TENM3: variants seen among roughly 807,000 people sequenced by gnomAD.
TENM3 encodes the protein teneurin transmembrane protein 3, also known as teneurin-3.
A neutral mutation model predicts 255.1 loss-of-function variants in TENM3; 63 were observed. The ratio of observed to expected loss-of-function variants is 0.25; its 90% CI spans 0.20 to 0.30. The LOEUF (loss-of-function observed/expected upper bound fraction) is 0.30. Ranked by LOEUF, TENM3 falls within the 10% of genes least tolerant of loss-of-function variation. The pLI, the probability that TENM3 is intolerant of heterozygous loss-of-function variation, is 1.00. For synonymous variants in TENM3, 1,306 were observed against 1,322.3 expected (o/e 0.99, Z 0.27); for missense variants, 2,929 against 3,461.1 (o/e 0.85, Z 3.86).
At chr4:181,706,172 C>T in the TENM3 span, among the ~76,000 whole-genome samples, 2 of 152,228 alleles carry the variant, frequency 1.3e-5, no homozygotes, top group African/African-American at 4.8e-5. Flanking sequence ...CCTGTGTCTG[C>T]ACGTTGTCTT....
chr4:182,224,411 T>A (rs1756021712), intron 1 of TENM3, among the ~76,000 whole-genome samples: 1 of 152,216 alleles, frequency 6.6e-6, no homozygotes, highest in Non-Finnish European at 1.5e-5. Flanking sequence ...TTGTGTACCT[T>A]GTAGCCTAGC....
At chr4:181,482,674 A>G in the TENM3 span, among the ~76,000 whole-genome samples, 1 of 152,092 alleles carries the variant, frequency 6.6e-6, no homozygotes. Flanking sequence ...GAGGAAAGAT[A>G]TCCTCACCTC....
At chr4:182,102,995 G>C in the TENM3 span, among the ~76,000 whole-genome samples, 1,496 of 152,282 alleles carry the variant, frequency 9.8e-3, 28 homozygotes, top group African/African-American at 0.034. Context: ...CAGTATTAAA[G>C]AGAATTAGCT....
At chr4:182,110,237 A>G in the TENM3 span, among the ~76,000 whole-genome samples, 1 of 152,118 alleles carries the variant, frequency 6.6e-6, no homozygotes, top group Non-Finnish European at 1.5e-5. Context: ...CTACCATGGC[A>G]CAGCTGAGGA....
intron 3 of TENM3, among the ~76,000 whole-genome samples, chr4:182,573,056 A>G (rs1744566901): frequency 6.6e-6 from 1 of 152,180 alleles, no homozygotes; most frequent in South Asian, 2.1e-4. Context: ...TGTGCCAGAT[A>G]TTATTTCAAT....
At chr4:181,454,962 C>T in the TENM3 span, among the ~76,000 whole-genome samples, 2 of 152,048 alleles carry the variant, frequency 1.3e-5, no homozygotes, top group East Asian at 3.9e-4. Context: ...AACACCTTCC[C>T]ATCATTAAGC....
chr4:182,389,473 GA>G (rs1257956693), intron 3 of TENM3, among the ~76,000 whole-genome samples: 5 of 150,352 alleles, frequency 3.3e-5, no homozygotes, highest in African/African-American at 9.8e-5. Context: ...TTACCTGCCA[GA>G]AAAAAAAATT....
chr4:182,012,990 TCAAAA>T, the TENM3 span, among the ~76,000 whole-genome samples: 259 of 152,000 alleles, frequency 1.7e-3, 2 homozygotes, highest in African/African-American at 5.6e-3. Flanking sequence ...CCTCAGCCTC[TCAAAA>T]CAAAACAAAA....
intron 22 of TENM3, among the ~76,000 whole-genome samples, chr4:182,769,444 G>A (rs1763991349): frequency 6.6e-6 from 1 of 151,482 alleles, no homozygotes; most frequent in Non-Finnish European, 1.5e-5. Context: ...AAAAAAAAAT[G>A]ATGTGGAGAA....
At chr4:182,668,329 A>G (rs1754897493) in intron 6 of TENM3, among the ~76,000 whole-genome samples, 1 of 152,148 alleles carries the variant, frequency 6.6e-6, no homozygotes, top group Non-Finnish European at 1.5e-5. Flanking sequence ...AAGTCAACAC[A>G]TGAATGTTAT....
chr4:182,243,204 T>C (rs1757393436), upstream of TENM3, among the ~76,000 whole-genome samples: 1 of 152,140 alleles, frequency 6.6e-6, no homozygotes, highest in Admixed American at 6.5e-5. Flanking sequence ...GACTTCCACC[T>C]CCCGGGTTCA....
the TENM3 span, among the ~76,000 whole-genome samples, chr4:182,093,294 G>T: frequency 6.6e-6 from 1 of 152,132 alleles, no homozygotes; most frequent in Non-Finnish European, 1.5e-5. Context: ...TTATTGAGAC[G>T]GGAAGTTTAT....
chr4:181,834,519 G>A, the TENM3 span, among the ~76,000 whole-genome samples: 1 of 152,194 alleles, frequency 6.6e-6, no homozygotes, highest in African/African-American at 2.4e-5. Context: ...ACTGGCATAC[G>A]AGCAGCCTCC....
At chr4:181,979,113 T>TAG in the TENM3 span, among the ~76,000 whole-genome samples, 1 of 65,404 alleles carries the variant, frequency 1.5e-5, no homozygotes, top group African/African-American at 6.6e-5. Flanking sequence ...TATATATATA[T>TAG]ATATATATAT....
the TENM3 span, among the ~76,000 whole-genome samples, chr4:181,807,449 G>A: frequency 6.6e-6 from 1 of 152,190 alleles, no homozygotes; most frequent in Non-Finnish European, 1.5e-5. Context: ...CGCCTCCCGG[G>A]TTCAAGTGAT....
chr4:181,999,281 A>G, the TENM3 span, among the ~76,000 whole-genome samples: 2 of 152,182 alleles, frequency 1.3e-5, no homozygotes, highest in Non-Finnish European at 2.9e-5. Flanking sequence ...CTTAAAGACC[A>G]GGCAGGTGCT....
At chr4:182,294,475 C>G (rs1273271757) in intron 1 of TENM3, among the ~76,000 whole-genome samples, 3 of 151,864 alleles carry the variant, frequency 2.0e-5, no homozygotes, top group Non-Finnish European at 2.9e-5. Context: ...TGTGTTCCAG[C>G]CTGGAATTGA....
At chr4:181,927,280 T>G in the TENM3 span, among the ~76,000 whole-genome samples, 1 of 152,308 alleles carries the variant, frequency 6.6e-6, no homozygotes, top group Non-Finnish European at 1.5e-5. Context: ...TGGCTTGAAA[T>G]TCTCAATGCC....
the TENM3 span, among the ~76,000 whole-genome samples, chr4:181,987,280 A>G: frequency 6.6e-6 from 1 of 152,150 alleles, no homozygotes; most frequent in African/African-American, 2.4e-5. Context: ...GCCCCTGGCA[A>G]TCAGGAAATA....
Sources: allele counts gnomAD v4.1 joint callset (sites outside exome capture counted in the v4.1 genomes callset), GRCh38; gene constraint gnomAD v4.1.1; transcripts MANE v1.5; gene names NCBI Gene and HGNC (gene_info 2026-07-23, HGNC 2026-07-21).